The following CPEB1 variants were observed in gnomAD, a reference collection of about 807,000 sequenced individuals.
The protein encoded by CPEB1 is cytoplasmic polyadenylation element-binding protein 1.
In CPEB1, 7 loss-of-function variants were observed where a neutral mutation model predicts 65.8. The observed-to-expected ratio is 0.11, with a 90% confidence interval of 0.06 to 0.20. CPEB1 has a LOEUF of 0.20. Among genes scored for constraint, CPEB1 ranks in the 10% least tolerant of loss-of-function variants. The pLI is 1.00. For missense variants in CPEB1, 551 were observed against 712.2 expected, an observed-to-expected ratio of 0.77 and a Z score of 2.58; for synonymous variants, 262 against 260.0, an observed-to-expected ratio of 1.01 and a Z score of -0.08.
At position 82,566,139 on chromosome 15, in the gene CPEB1, C is replaced by T. The variant is rs181282749; in HGVS notation, c.460+5205G>A. On this transcript the variant is annotated intron_variant, in intron 4 of 12. Transcript: ENST00000684509. ...AGCCTTCCCCAAGAGTACAAAGGCA[C>T]CTGGAGTGTGATGGCAGCATTAGCA... Among the ~76,000 whole-genome samples the T allele has an allele frequency of 5.9e-5, 9 of 152,286 alleles. No homozygotes were observed. The East Asian group carries it at 1.7e-3, about 29-fold the overall frequency.
intron 1 of CPEB1, among the ~76,000 whole-genome samples, chr15:82,646,440 G>C (rs938352854): frequency 2.0e-5 from 3 of 152,134 alleles, no homozygotes; most frequent in South Asian, 2.1e-4. Context: ...AGTCAGGGCC[G>C]GGGCTGCAGG....
At chr15:82,641,664 G>A (rs759060578) in intron 1 of CPEB1, 3 of 151,822 alleles carry the variant, frequency 2.0e-5, no homozygotes, top group Admixed American at 6.6e-5. Flanking sequence ...GTTACCTCAG[G>A]GGAACTCATC....
At chr15:82,626,974 C>T (rs1038166199) in intron 3 of CPEB1, among the ~76,000 whole-genome samples, 2 of 152,130 alleles carry the variant, frequency 1.3e-5, no homozygotes, top group African/African-American at 4.8e-5. Context: ...TTTTCCCCAA[C>T]CTTTCTGTGT....
At chr15:82,575,200 A>C (rs2040519249) in intron 3 of CPEB1, among the ~76,000 whole-genome samples, 1 of 152,230 alleles carries the variant, frequency 6.6e-6, no homozygotes, top group African/African-American at 2.4e-5. Flanking sequence ...GTGTAATCCC[A>C]ATATACCAGA....
intron 1 of CPEB1, among the ~76,000 whole-genome samples, chr15:82,634,548 C>T (rs1178461934): frequency 2.2e-4 from 34 of 152,264 alleles, no homozygotes; most frequent in Non-Finnish European, 4.4e-5. Context: ...TAATCATGTA[C>T]AATGGATTAA....
At chr15:82,618,722 T>C (rs2045000840) in intron 3 of CPEB1, among the ~76,000 whole-genome samples, 1 of 152,202 alleles carries the variant, frequency 6.6e-6, no homozygotes, top group African/African-American at 2.4e-5. Context: ...AAAAAACTCC[T>C]TTACAATAGC....
intron 3 of CPEB1, among the ~76,000 whole-genome samples, chr15:82,587,316 T>C (rs2041881075): frequency 6.6e-6 from 1 of 152,192 alleles, no homozygotes. Flanking sequence ...TTTAACTTGG[T>C]AACTGTATTA....
chr15:82,594,731 C>T (rs1871954528), intron 3 of CPEB1, among the ~76,000 whole-genome samples: 2 of 152,178 alleles, frequency 1.3e-5, no homozygotes, highest in South Asian at 4.2e-4. Flanking sequence ...TAAGCTTCAT[C>T]ATTTCTAGTT....
At chr15:82,588,132 G>C (rs996824863) in intron 3 of CPEB1, among the ~76,000 whole-genome samples, 1 of 150,702 alleles carries the variant, frequency 6.6e-6, no homozygotes, top group Non-Finnish European at 1.5e-5. Flanking sequence ...TTTTTTTGTA[G>C]AAACAGGGTT....
At position 82,544,295 on chromosome 15, in the gene CPEB1, C is replaced by G; in HGVS notation, c.*297G>C. On this transcript the variant is annotated 3_prime_UTR_variant, in exon 13 of 13. Transcript: ENST00000684509. The stretch of plus-strand genomic sequence containing the variant: ...TAGTTTTTTTTTTTTTTTTTTTTTT[C>G]CCCGCTTTTCATCTGCAAAATGAGG... The G allele has an allele frequency of 3.7e-5, 3 of 80,302 alleles. No individual in the cohort carries two copies. The highest frequency in any genetic ancestry group is 2.5e-4 in the East Asian group (1 of 3,972). 5.0% of individuals were successfully genotyped at this position (80,302 alleles called of 1,614,324 possible).
At chr15:82,570,984 TA>T (rs1165493730) in intron 4 of CPEB1, among the ~76,000 whole-genome samples, 1 of 152,056 alleles carries the variant, frequency 6.6e-6, no homozygotes, top group Non-Finnish European at 1.5e-5. Flanking sequence ...CTCCCCCACC[TA>T]AAAGTGTTTT....
intron 3 of CPEB1, among the ~76,000 whole-genome samples, chr15:82,600,900 T>C (rs1335862182): frequency 1.0e-4 from 10 of 96,272 alleles, no homozygotes; most frequent in African/African-American, 2.9e-4. Flanking sequence ...AACTTGTCTT[T>C]TTTTTTTTTT....
chr15:82,640,019 C>CT (rs2151379503), intron 1 of CPEB1, among the ~76,000 whole-genome samples: 1 of 152,300 alleles, frequency 6.6e-6, no homozygotes, highest in East Asian at 1.9e-4. Context: ...TGCCTTTTCC[C>CT]TTTGATGGTT....
chr15:82,630,740 G>T (rs770727374), intron 1 of CPEB1, among the ~76,000 whole-genome samples: 1 of 152,092 alleles, frequency 6.6e-6, no homozygotes, highest in Non-Finnish European at 1.5e-5. Context: ...TGGAAATGGG[G>T]GTAAAGAGGA....
intron 6 of CPEB1, 75 bp from the exon 7 acceptor site, chr15:82,554,066 T>C (rs565701332): frequency 6.9e-6 from 6 of 866,162 alleles, no homozygotes; most frequent in Admixed American, 2.6e-5. Flanking sequence ...TGGGGTGAAC[T>C]TGTCCAGTAA....
At chr15:82,598,513 A>G (rs1413246054) in intron 3 of CPEB1, among the ~76,000 whole-genome samples, 1 of 149,918 alleles carries the variant, frequency 6.7e-6, no homozygotes, top group Non-Finnish European at 1.5e-5. Flanking sequence ...GGCTGGGCGC[A>G]GTGGTTCACG....
chr15:82,595,463 C>G (rs866533635), intron 3 of CPEB1, among the ~76,000 whole-genome samples: 1 of 152,260 alleles, frequency 6.6e-6, no homozygotes, highest in Middle Eastern at 3.4e-3. Flanking sequence ...TTGTTACTGC[C>G]TTTTTGCTAC....
chr15:82,564,347 G>A (rs923610226), intron 4 of CPEB1, among the ~76,000 whole-genome samples: 4 of 152,088 alleles, frequency 2.6e-5, no homozygotes, highest in African/African-American at 9.6e-5. Context: ...GTGCGGTGGC[G>A]TGATCTCAGC....
intron 3 of CPEB1, among the ~76,000 whole-genome samples, chr15:82,614,400 T>G (rs1040297037): frequency 9.2e-5 from 14 of 152,178 alleles, no homozygotes; most frequent in South Asian, 2.1e-4. Flanking sequence ...TTTCCATATA[T>G]TCTATGTTTA....
Sources: allele counts gnomAD v4.1 joint callset (sites outside exome capture counted in the v4.1 genomes callset), GRCh38; gene constraint gnomAD v4.1.1; transcripts MANE v1.5; gene names NCBI Gene and HGNC (gene_info 2026-07-23, HGNC 2026-07-21).